Variants in ASAP2 observed in about 807,000 individuals in gnomAD.
ASAP2 encodes ArfGAP with SH3 domain, ankyrin repeat and PH domain 2.
A neutral mutation model predicts 131.4 loss-of-function variants in ASAP2; 45 were observed. The observed-to-expected ratio is 0.34, with a 90% CI of 0.27 to 0.44. The LOEUF (loss-of-function observed/expected upper bound fraction) is 0.44, where lower values mean the gene tolerates loss of function less well. ASAP2 is among the 20% of genes least tolerant of loss of function. The pLI is 1.00. For synonymous variants in ASAP2, 510 were observed against 503.0 expected, an observed-to-expected ratio of 1.01 and a Z score of -0.19; for missense variants, 1,011 against 1,297.0, an observed-to-expected ratio of 0.78 and a Z score of 3.39.
At chr2:9,227,928 G>C (rs974876460) in intron 1 of ASAP2, among the ~76,000 whole-genome samples, 1 of 152,242 alleles carries the variant, frequency 6.6e-6, no homozygotes, top group African/African-American at 2.4e-5. Context: ...TGTTACATCA[G>C]AAGAGAGTTA....
chr2:9,248,476 G>A (rs930731344), intron 1 of ASAP2, among the ~76,000 whole-genome samples: 5 of 151,876 alleles, frequency 3.3e-5, no homozygotes, highest in South Asian at 2.1e-4. Context: ...CTTTGGAGTC[G>A]CAGTCCAGGG....
At chr2:9,229,892 G>T (rs1274942405) in intron 1 of ASAP2, among the ~76,000 whole-genome samples, 1 of 152,138 alleles carries the variant, frequency 6.6e-6, no homozygotes, top group East Asian at 1.9e-4. Context: ...GGCATTTGTG[G>T]GCCTGGAGTG....
At chr2:9,387,416 T>C (rs1675367546) in intron 21 of ASAP2, among the ~76,000 whole-genome samples, 1 of 152,140 alleles carries the variant, frequency 6.6e-6, no homozygotes, top group African/African-American at 2.4e-5. Flanking sequence ...AATAAAACTT[T>C]ACTGACAAAA....
At chr2:9,295,183 T>A (rs1473778984) in intron 2 of ASAP2, among the ~76,000 whole-genome samples, 1 of 152,218 alleles carries the variant, frequency 6.6e-6, no homozygotes, top group East Asian at 1.9e-4. Context: ...GGTAAACTTT[T>A]TAACGATGAA....
chr2:9,303,189 T>C (rs897453790), intron 3 of ASAP2, among the ~76,000 whole-genome samples: 1 of 152,202 alleles, frequency 6.6e-6, no homozygotes, highest in Non-Finnish European at 1.5e-5. Context: ...GGAGGAAGAT[T>C]TAAGTCACTG....
At chr2:9,304,721 G>A (rs1285822381) in intron 3 of ASAP2, among the ~76,000 whole-genome samples, 2 of 146,864 alleles carry the variant, frequency 1.4e-5, no homozygotes, top group South Asian at 2.3e-4. Context: ...TGGAGGGGCT[G>A]GACTAGTGGG....
chr2:9,400,188 C>T lies in ASAP2; in HGVS notation c.2734+116C>T, dbSNP rs542645053. 7 of 1,099,382 alleles carry T rather than the reference C, an allele frequency of 6.4e-6. No individual in the cohort carries two copies. The East Asian group carries it at 1.7e-4, about 27-fold the overall frequency. 68.1% of individuals were successfully genotyped at this position (1,099,382 alleles called of 1,614,324 possible). ...GAGGGCCCAGCTGTCTGCCATTCCACAGCCCTCCTGCCCCCTCCCCTCCTG... is the reference window on the plus strand; with the variant it reads ...GAGGGCCCAGCTGTCTGCCATTCCATAGCCCTCCTGCCCCCTCCCCTCCTG... On this transcript the variant is annotated intron_variant, in intron 25 of 27. Transcript: ENST00000281419.
chr2:9,321,259 CA>C (rs1344162356), intron 5 of ASAP2, among the ~76,000 whole-genome samples: 1 of 152,086 alleles, frequency 6.6e-6, no homozygotes, highest in Non-Finnish European at 1.5e-5. Flanking sequence ...TGAAGGATCA[CA>C]AAGCTCAAAT....
intron 7 of ASAP2, among the ~76,000 whole-genome samples, chr2:9,332,463 A>G (rs893931946): frequency 6.6e-5 from 10 of 152,316 alleles, no homozygotes; most frequent in African/African-American, 1.4e-4. Flanking sequence ...TGGCTGGGCT[A>G]TTACAGAGAT....
At chr2:9,351,658 T>C (rs1293055834) in intron 12 of ASAP2, among the ~76,000 whole-genome samples, 1 of 152,218 alleles carries the variant, frequency 6.6e-6, no homozygotes, top group Non-Finnish European at 1.5e-5. Context: ...GGTGCTGTTC[T>C]CTGTGCCTCA....
chr2:9,235,954 A>G (rs1279680746), intron 1 of ASAP2, among the ~76,000 whole-genome samples: 1 of 152,192 alleles, frequency 6.6e-6, no homozygotes, highest in Non-Finnish European at 1.5e-5. Flanking sequence ...TTGATCTGCC[A>G]GGACTGGGGA....
At position 9,358,733 on chromosome 2, in the gene ASAP2, A is replaced by G. The variant is rs753870495; in HGVS notation, c.1328-23A>G. 18 of 1,606,866 alleles carry G rather than the reference A, an allele frequency of 1.1e-5. No individual in the cohort carries two copies. The African/African-American group carries it at 2.4e-4, about 22-fold the overall frequency. ...ACCCTCTTTTTTACTGGAAGCTCAAATCTGCCCTGTTCTCTTTGGCAGATC... is the reference window on the plus strand; with the variant it reads ...ACCCTCTTTTTTACTGGAAGCTCAAGTCTGCCCTGTTCTCTTTGGCAGATC... On this transcript the variant is annotated intron_variant, in intron 14 of 27. Transcript: ENST00000281419.
rs529391574 is a variant in ASAP2, at chr2:9,317,270, CAT to C, written c.346-1251_346-1250del. 4.9e-3 allele frequency among the ~76,000 whole-genome samples: 745 copies of C among 150,722 alleles called. 6 individuals are homozygous for C. Among genetic ancestry groups the C allele is most frequent in the African/African-American group, 0.017 (702 of 40,904 alleles). On this transcript the variant is annotated intron_variant, in intron 3 of 27. Transcript: ENST00000281419. ...ACACACCCCGTGCATCACACACACTCATATCCACACCCTCACACCCTCACAAT... is the reference window on the plus strand; with the variant it reads ...ACACACCCCGTGCATCACACACACTCATCCACACCCTCACACCCTCACAAT...
intron 1 of ASAP2, among the ~76,000 whole-genome samples, chr2:9,238,138 G>A (rs556818514): frequency 1.0e-3 from 159 of 152,310 alleles, no homozygotes; most frequent in Non-Finnish European, 1.7e-3. Context: ...TAGCTGACCC[G>A]CTACCTACTG....
chr2:9,360,688 T>G (rs1163483730), intron 15 of ASAP2, among the ~76,000 whole-genome samples: 2 of 152,222 alleles, frequency 1.3e-5, no homozygotes, highest in Non-Finnish European at 2.9e-5. Context: ...TATAGTACAT[T>G]CACTATGCAA....
chr2:9,261,914 C>T (rs1314316656), intron 1 of ASAP2, among the ~76,000 whole-genome samples: 2 of 152,240 alleles, frequency 1.3e-5, no homozygotes, highest in African/African-American at 4.8e-5. Flanking sequence ...CCTCAGTGTT[C>T]AAGAGAGAGG....
chr2:9,213,069 T>C (rs1014555885), intron 1 of ASAP2, among the ~76,000 whole-genome samples: 4 of 152,202 alleles, frequency 2.6e-5, no homozygotes, highest in African/African-American at 9.7e-5. Flanking sequence ...AAACAGACAG[T>C]TACGTAACAA....
In ASAP2 at chr2:9,356,341, G is replaced by T; in HGVS notation, c.1323G>T (p.Ala441=). 6.3e-7 allele frequency: 1 copy of T among 1,588,886 alleles called. No individual in the cohort carries two copies. The highest frequency in any genetic ancestry group is 8.6e-7 in the Non-Finnish European group (1 of 1,167,608). ...TGNDVCCDCG[A]PDPTWLSTNL... ...ATGACGTCTGCTGTGACTGTGGGGC[G>T]CCAGGTGACCCAGGGACCCCACCCG... The change falls in exon 14 of 28, where the codon GCG becomes GCT. Residue 441 remains alanine, a synonymous_variant. Coordinates refer to ENST00000281419, the MANE Select transcript of ASAP2 (RefSeq NM_003887.3).
intron 3 of ASAP2, among the ~76,000 whole-genome samples, chr2:9,302,792 C>T (rs1355052125): frequency 1.3e-5 from 2 of 152,118 alleles, no homozygotes; most frequent in Non-Finnish European, 2.9e-5. Context: ...ACTGGGATTA[C>T]AGGTGTGAGC....
Sources: allele counts gnomAD v4.1 joint callset (sites outside exome capture counted in the v4.1 genomes callset), GRCh38; gene constraint gnomAD v4.1.1; transcripts MANE v1.5; gene names NCBI Gene and HGNC (gene_info 2026-07-23, HGNC 2026-07-21).